Variants in XPR1 observed in about 807,000 individuals in gnomAD.
XPR1 encodes the protein xenotropic and polytropic retrovirus receptor 1.
A neutral mutation model predicts 87.5 loss-of-function variants in XPR1; 28 were observed. The observed-to-expected ratio is 0.32, with a 90% CI of 0.24 to 0.44. XPR1 has a LOEUF of 0.44. XPR1 is among the 20% of genes least tolerant of loss of function. The pLI is 1.00. For missense variants in XPR1, 559 were observed against 862.3 expected (o/e 0.65, Z 4.41); for synonymous variants, 300 against 306.1 (o/e 0.98, Z 0.21).
intron 1 of XPR1, among the ~76,000 whole-genome samples, chr1:180,646,337 T>C (rs1303335034): frequency 6.6e-6 from 1 of 152,086 alleles, no homozygotes; most frequent in Non-Finnish European, 1.5e-5. Context: ...ATGCTCTCAG[T>C]GCAGACACAT....
intron 2 of XPR1, among the ~76,000 whole-genome samples, chr1:180,706,716 A>G (rs1386649243): frequency 2.0e-5 from 3 of 152,056 alleles, no homozygotes; most frequent in Admixed American, 6.6e-5. Flanking sequence ...AGTTCAAGCA[A>G]TTCTCCTGCC....
chr1:180,683,043 AC>A, intron 2 of XPR1, among the ~76,000 whole-genome samples: 2 of 152,032 alleles, frequency 1.3e-5, no homozygotes, highest in East Asian at 3.9e-4. Context: ...ACATATGTAT[AC>A]ATGTGCCATG....
rs376304726 is a variant in XPR1 at position 180,696,202 on chromosome 1, G to A, written c.121+13791G>A. On this transcript the variant is annotated intron_variant, in intron 2 of 14. Transcript: ENST00000367590. ...TGTGTGTGTGTGTGTGTGTGTGTGT[G>A]TGTGTGTATATATATATATATATAT... 7.3e-3 allele frequency among the ~76,000 whole-genome samples: 768 copies of A among 105,864 alleles called. 4 individuals carry two copies. Among genetic ancestry groups the A allele is most frequent in the Middle Eastern group, 0.02 (4 of 200 alleles). 69.5% of individuals were successfully genotyped at this position (105,864 alleles called of 152,430 possible).
intron 2 of XPR1, among the ~76,000 whole-genome samples, chr1:180,753,340 G>C (rs890437952): frequency 6.6e-6 from 1 of 152,010 alleles, no homozygotes; most frequent in Non-Finnish European, 1.5e-5. Context: ...CAGGGCTGGC[G>C]AATCGCTTGA....
intron 11 of XPR1, among the ~76,000 whole-genome samples, chr1:180,853,881 T>C (rs1337540042): frequency 6.6e-6 from 1 of 151,494 alleles, no homozygotes; most frequent in Non-Finnish European, 1.5e-5. Flanking sequence ...TACACACAAT[T>C]TTTTTAATGT....
chr1:180,717,224 C>T (rs186303213), intron 2 of XPR1, among the ~76,000 whole-genome samples: 15 of 152,274 alleles, frequency 9.9e-5, no homozygotes, highest in African/African-American at 2.9e-4. Context: ...AACTCCTGAC[C>T]TCAGGTGATC....
intron 2 of XPR1, among the ~76,000 whole-genome samples, chr1:180,745,076 T>C (rs757194483): frequency 3.9e-5 from 6 of 152,224 alleles, no homozygotes; most frequent in Non-Finnish European, 5.9e-5. Context: ...ATGGCCTACA[T>C]GTGACCAGAT....
At position 180,866,104 on chromosome 1, in the gene XPR1, C is replaced by T. The variant is rs138447792; in HGVS notation, c.1668+2230C>T. On this transcript the variant is annotated intron_variant, in intron 12 of 14. Coordinates refer to ENST00000367590, the MANE Select transcript of XPR1 (RefSeq NM_004736.4). ...GCACACGCCTGTAGCCCCAGCTACTCGGGATGCTGAGGCAGGAGGATCACT... is the reference window on the plus strand; with the variant it reads ...GCACACGCCTGTAGCCCCAGCTACTTGGGATGCTGAGGCAGGAGGATCACT... Among the ~76,000 whole-genome samples, 726 of 151,892 alleles carry T rather than the reference C, an allele frequency of 4.8e-3. 2 individuals carry two copies. Among genetic ancestry groups the T allele is most frequent in the South Asian group, 0.014 (68 of 4,808 alleles).
chr1:180,677,441 G>C (rs1263527990), intron 1 of XPR1, among the ~76,000 whole-genome samples: 1 of 152,148 alleles, frequency 6.6e-6, no homozygotes, highest in African/African-American at 2.4e-5. Flanking sequence ...AAATCATAGA[G>C]AGTCAAAGCT....
chr1:180,747,007 A>G (rs1024879762), intron 2 of XPR1, among the ~76,000 whole-genome samples: 2 of 152,176 alleles, frequency 1.3e-5, no homozygotes, highest in African/African-American at 4.8e-5. Flanking sequence ...TCAAATTGAA[A>G]TTTAATAATC....
chr1:180,781,659 C>T (rs73036561), intron 2 of XPR1, among the ~76,000 whole-genome samples: 6,442 of 149,028 alleles, frequency 0.043, 495 homozygotes, highest in African/African-American at 0.15. Context: ...CACTTGTTTG[C>T]TTTTTTTTAA....
intron 2 of XPR1, among the ~76,000 whole-genome samples, chr1:180,731,579 G>A (rs1032572615): frequency 6.6e-6 from 1 of 152,162 alleles, no homozygotes; most frequent in East Asian, 1.9e-4. Flanking sequence ...AACAGCAGAA[G>A]GGTTAATTTC....
At chr1:180,728,922 G>A (rs752008691) in intron 2 of XPR1, among the ~76,000 whole-genome samples, 4 of 152,162 alleles carry the variant, frequency 2.6e-5, no homozygotes, top group Non-Finnish European at 1.5e-5. Flanking sequence ...GGGGTTTAGT[G>A]TACAGATTAT....
At chr1:180,686,570 G>A (rs754593377) in intron 2 of XPR1, among the ~76,000 whole-genome samples, 10 of 152,058 alleles carry the variant, frequency 6.6e-5, no homozygotes. Flanking sequence ...TGATCTGTCT[G>A]ATGTTGACAG....
intron 2 of XPR1, among the ~76,000 whole-genome samples, chr1:180,750,913 T>C (rs1647507796): frequency 2.0e-5 from 3 of 152,060 alleles, no homozygotes; most frequent in South Asian, 4.1e-4. Flanking sequence ...AGGTCTTCTT[T>C]AGTTTGTCTT....
intron 11 of XPR1, among the ~76,000 whole-genome samples, chr1:180,858,344 A>C (rs1411562045): frequency 6.6e-6 from 1 of 152,254 alleles, no homozygotes; most frequent in African/African-American, 2.4e-5. Flanking sequence ...ATCTGAGATA[A>C]CCACTTCTGT....
chr1:180,846,023 G>A lies in XPR1; in HGVS notation c.1501+9307G>A, dbSNP rs565725225. Among the ~76,000 whole-genome samples, 5 of 152,266 alleles carry A rather than the reference G, an allele frequency of 3.3e-5. No homozygotes were observed. The South Asian group carries it at 8.3e-4, about 25-fold the overall frequency. On this transcript the variant is annotated intron_variant, in intron 11 of 14. Coordinates refer to ENST00000367590, the MANE Select transcript of XPR1 (RefSeq NM_004736.4). ...GCCTGTAATCCTAGCACTTTGGGAG[G>A]CCAAGGCAGGCAGATTACCTGAGGT...
chr1:180,846,839 A>G (rs1363330889), intron 11 of XPR1, among the ~76,000 whole-genome samples: 22 of 151,588 alleles, frequency 1.5e-4, no homozygotes, highest in Admixed American at 1.2e-3. Flanking sequence ...ACTACACACA[A>G]TATTTTCTTC....
chr1:180,698,346 T>C (rs1657237343), intron 2 of XPR1, among the ~76,000 whole-genome samples: 2 of 152,164 alleles, frequency 1.3e-5, no homozygotes, highest in African/African-American at 4.8e-5. Context: ...GTAGGCAGCA[T>C]ATAGGTGGAT....
Sources: gnomAD v4.1 joint callset for allele counts (sites outside exome capture counted in the v4.1 genomes callset) on GRCh38, gnomAD v4.1.1 for gene constraint, MANE v1.5 for transcripts, NCBI Gene and HGNC (gene_info 2026-07-23, HGNC 2026-07-21) for gene names.